The following DGKB variants were observed in gnomAD, a reference collection of about 807,000 sequenced individuals.
The protein encoded by DGKB is diacylglycerol kinase beta, also known as 90 kDa diacylglycerol kinase.
Under a neutral mutation model 114.3 loss-of-function variants are expected in DGKB, and 67 were observed. The ratio of observed to expected loss-of-function variants is 0.59; its 90% CI spans 0.48 to 0.72. The LOEUF is 0.72. Ranked by LOEUF, DGKB falls within the 30% of genes least tolerant of loss-of-function variation. The pLI is 0.00. For synonymous variants in DGKB, 398 were observed against 323.1 expected, an observed-to-expected ratio of 1.23 and a Z score of -2.49; for missense variants, 907 against 975.2, an observed-to-expected ratio of 0.93 and a Z score of 0.93.
intron 25 of DGKB, among the ~76,000 whole-genome samples, chr7:14,166,859 T>G (rs1784682101): frequency 6.6e-6 from 1 of 152,076 alleles, no homozygotes; most frequent in East Asian, 1.9e-4. Context: ...CCTGTCCTAC[T>G]GGTACAAAAA....
intron 23 of DGKB, among the ~76,000 whole-genome samples, chr7:14,324,558 A>T (rs535634675): frequency 6.6e-6 from 1 of 152,236 alleles, no homozygotes; most frequent in Admixed American, 6.5e-5. Context: ...TAAAGATATA[A>T]TTACCTAGGA....
intron 23 of DGKB, among the ~76,000 whole-genome samples, chr7:14,244,128 G>A (rs1794079733): frequency 6.6e-6 from 1 of 152,132 alleles, no homozygotes; most frequent in Non-Finnish European, 1.5e-5. Flanking sequence ...TTCTGACAGA[G>A]TGATTAGGGA....
intron 20 of DGKB, among the ~76,000 whole-genome samples, chr7:14,520,390 C>G (rs1584535539): frequency 6.6e-6 from 1 of 151,142 alleles, no homozygotes; most frequent in Non-Finnish European, 1.5e-5. Flanking sequence ...GTTTGCTTTT[C>G]TTTTTATGAT....
At chr7:14,376,168 G>T (rs899231911) in intron 21 of DGKB, among the ~76,000 whole-genome samples, 1 of 152,182 alleles carries the variant, frequency 6.6e-6, no homozygotes, top group Non-Finnish European at 1.5e-5. Context: ...GCTTGCACTT[G>T]TGTTGGTGGC....
intron 21 of DGKB, among the ~76,000 whole-genome samples, chr7:14,470,386 G>T (rs1781102951): frequency 6.6e-6 from 1 of 151,742 alleles, no homozygotes. Flanking sequence ...ATTTTTAAAT[G>T]AAAAAAATTC....
intron 23 of DGKB, among the ~76,000 whole-genome samples, chr7:14,322,394 G>T (rs1175037934): frequency 2.6e-5 from 4 of 152,112 alleles, no homozygotes; most frequent in Admixed American, 2.6e-4. Context: ...AGTGGGTGTA[G>T]GAGTCTTTTC....
intron 23 of DGKB, among the ~76,000 whole-genome samples, chr7:14,283,827 C>G (rs1436200777): frequency 2.0e-5 from 3 of 152,004 alleles, no homozygotes; most frequent in Non-Finnish European, 4.4e-5. Flanking sequence ...AAAGCTGAAA[C>G]TGGATCCCTT....
In DGKB at chr7:14,655,316, C is replaced by T. The variant is rs147624077; in HGVS notation, c.1134+17613G>A. Among the ~76,000 whole-genome samples, 789 of 151,638 alleles carry T rather than the reference C, an allele frequency of 5.2e-3. 8 individuals carry two copies. The highest frequency in any genetic ancestry group is 0.018 in the African/African-American group (745 of 41,382). On this transcript the variant is annotated intron_variant, in intron 13 of 25. Coordinates refer to ENST00000402815, the MANE Select transcript of DGKB (RefSeq NM_001350709.2). ...AGCATCACTAATCATCAGGGAAATG[C>T]AAATCAAAACCACCATAAGATATCA... is the stretch of plus-strand genomic sequence containing the variant.
intron 23 of DGKB, among the ~76,000 whole-genome samples, chr7:14,269,642 G>C (rs1798003245): frequency 6.6e-6 from 1 of 152,100 alleles, no homozygotes; most frequent in East Asian, 1.9e-4. Flanking sequence ...GACCATTATA[G>C]GTCAAGACGA....
chr7:14,898,099 C>T (rs949702983), intron 1 of DGKB, among the ~76,000 whole-genome samples: 1 of 151,820 alleles, frequency 6.6e-6, no homozygotes, highest in Non-Finnish European at 1.5e-5. Context: ...GACTGTTGGG[C>T]CCGTGGTAGA....
At chr7:14,306,674 G>A (rs976225475) in intron 23 of DGKB, among the ~76,000 whole-genome samples, 3 of 152,028 alleles carry the variant, frequency 2.0e-5, no homozygotes, top group Non-Finnish European at 2.9e-5. Context: ...TTTAAGAGGC[G>A]TAATGTTGTG....
At chr7:14,388,877 C>T (rs1820861299) in intron 21 of DGKB, among the ~76,000 whole-genome samples, 1 of 152,108 alleles carries the variant, frequency 6.6e-6, no homozygotes, top group Non-Finnish European at 1.5e-5. Flanking sequence ...CTCTCTCCTA[C>T]CAACCTGGAA....
chr7:14,166,222 A>G (rs1784588356), intron 25 of DGKB, among the ~76,000 whole-genome samples: 1 of 152,192 alleles, frequency 6.6e-6, no homozygotes, highest in South Asian at 2.1e-4. Context: ...CTAAAACCTT[A>G]ATCTTATAAG....
chr7:14,909,882 C>T (rs962233347), intron 1 of DGKB, among the ~76,000 whole-genome samples: 2 of 151,920 alleles, frequency 1.3e-5, no homozygotes, highest in Non-Finnish European at 2.9e-5. Context: ...AATCTTGGGA[C>T]ACTGTGATTT....
chr7:14,665,163 T>G (rs10230236), intron 13 of DGKB, among the ~76,000 whole-genome samples: 1 of 151,954 alleles, frequency 6.6e-6, no homozygotes, highest in Non-Finnish European at 1.5e-5. Flanking sequence ...AAAAAAAGGC[T>G]AGGTAATTAA....
At chr7:14,501,474 A>T (rs1358149866) in intron 20 of DGKB, among the ~76,000 whole-genome samples, 2 of 151,950 alleles carry the variant, frequency 1.3e-5, no homozygotes, top group East Asian at 3.9e-4. Context: ...AAATGAAAAG[A>T]GGTTGTTGAA....
At chr7:14,935,821 A>G (rs1457520795) in intron 1 of DGKB, among the ~76,000 whole-genome samples, 2 of 152,060 alleles carry the variant, frequency 1.3e-5, no homozygotes, top group Non-Finnish European at 2.9e-5. Flanking sequence ...TATTTTGTAT[A>G]AAAGTGCTTC....
intron 17 of DGKB, among the ~76,000 whole-genome samples, chr7:14,597,249 A>T (rs1396219862): frequency 6.6e-6 from 1 of 152,196 alleles, no homozygotes; most frequent in Admixed American, 6.5e-5. Flanking sequence ...AATTCTAACT[A>T]TAGGCATAAA....
At chr7:14,178,180 G>T in intron 23 of DGKB, 29 bp from the exon 24 acceptor site, 2 of 1,611,610 alleles carry the variant, frequency 1.2e-6, no homozygotes, top group African/African-American at 1.3e-5. Flanking sequence ...CTTTTAAGTT[G>T]CAATGTGTAT....
Sources: gnomAD v4.1 joint callset for allele counts (sites outside exome capture counted in the v4.1 genomes callset) on GRCh38, gnomAD v4.1.1 for gene constraint, MANE v1.5 for transcripts, NCBI Gene and HGNC (gene_info 2026-07-23, HGNC 2026-07-21) for gene names.